The following HHIPL1 variants were observed in gnomAD, a reference collection of about 807,000 sequenced individuals.
HHIPL1 encodes the protein HHIP-like protein 1.
In HHIPL1, 43 loss-of-function variants were observed where a neutral mutation model predicts 61.8. That is an observed-to-expected ratio of 0.70 (90% CI 0.55 to 0.90). The LOEUF (loss-of-function observed/expected upper bound fraction) is 0.90, where lower values mean the gene tolerates loss of function less well. Ranked by LOEUF, HHIPL1 falls within the 40% of genes least tolerant of loss-of-function variation. HHIPL1 has a pLI of 0.00. For missense variants in HHIPL1, 1,056 were observed against 1,157.7 expected (o/e 0.91, Z 1.28); for synonymous variants, 482 against 515.8 (o/e 0.93, Z 0.89).
intron 7 of HHIPL1, among the ~76,000 whole-genome samples, chr14:99,670,969 C>T (rs549947157): frequency 2.6e-5 from 4 of 152,272 alleles, no homozygotes; most frequent in African/African-American, 7.2e-5. Context: ...TTTCCAATCC[C>T]GTTTCCCTAT....
At chr14:99,637,042 AGAAAGAAGGAAGGAAG>A in the HHIPL1 span, among the ~76,000 whole-genome samples, 37 of 121,730 alleles carry the variant, frequency 3.0e-4, no homozygotes, top group East Asian at 9.7e-4. Context: ...AAAGAAAGAA[AGAAAGAAGGAAGGAAG>A]GAAAAAAGAA....
the HHIPL1 span, among the ~76,000 whole-genome samples, chr14:99,628,378 G>A: frequency 3.3e-5 from 5 of 152,052 alleles, no homozygotes; most frequent in African/African-American, 1.2e-4. Flanking sequence ...TCAGGAGTTC[G>A]AGACCAGCCT....
chr14:99,639,123 T>C, the HHIPL1 span, among the ~76,000 whole-genome samples: 152 of 152,402 alleles, frequency 1.0e-3, no homozygotes, highest in Non-Finnish European at 1.9e-3. Flanking sequence ...GGCCCCTGCC[T>C]TCAGGGAGCT....
At chr14:99,620,795 A>G in the HHIPL1 span, among the ~76,000 whole-genome samples, 23 of 152,214 alleles carry the variant, frequency 1.5e-4, no homozygotes, top group African/African-American at 5.5e-4. Flanking sequence ...GCCTCTGGGC[A>G]GGGCCCATCT....
chr14:99,660,481 G>A lies in HHIPL1; in HGVS notation c.1502+75G>A. On this transcript the variant is annotated intron_variant, in intron 5 of 8. Coordinates refer to ENST00000330710, the MANE Select transcript of HHIPL1 (RefSeq NM_001127258.3). The surrounding 1 kb of genome is among the most constrained non-coding windows in gnomAD (Gnocchi z 4.9). ...GGGACTGGCTCCTTGGTAAAGGGGA[G>A]TGTATGTGTGCGCCCGTTCCTGCAC... is the stretch of plus-strand genomic sequence containing the variant. 6.5e-7 allele frequency: 1 copy of A among 1,527,148 alleles called. No homozygotes were observed. Among genetic ancestry groups the A allele is most frequent in the Middle Eastern group, 1.7e-4 (1 of 5,716 alleles). The allele number at this position is 1,527,148 out of a possible 1,614,324, so 94.6% of individuals were successfully genotyped here.
rs751557728 is a variant in HHIPL1 at position 99,652,348 on chromosome 14, G to T, written c.380G>T (p.Arg127Leu). ...TGGCATAAGTGCCGGGGGCTGTTCC[G>T]TCACCTGTCAACTGACCAGGAGCTC... ...DMWHKCRGLF[R>L]HLSTDQELWA... The change falls in exon 2 of 9, where the codon CGT (arginine) becomes CTT (leucine). Residue 127 changes from arginine to leucine, a missense_variant. Physicochemically the swap from Arg to Leu is moderately radical, Grantham distance 102. Coordinates refer to ENST00000330710, the MANE Select transcript of HHIPL1 (RefSeq NM_001127258.3). The T allele has an allele frequency of 8.1e-6, 13 of 1,614,024 alleles. No homozygotes were observed. Among genetic ancestry groups the T allele is most frequent in the Middle Eastern group, 3.3e-4 (2 of 6,084 alleles).
the HHIPL1 span, among the ~76,000 whole-genome samples, chr14:99,605,827 C>T: frequency 1.2e-4 from 19 of 152,198 alleles, no homozygotes; most frequent in Non-Finnish European, 2.4e-4. Context: ...GCAGGAACAG[C>T]CAGTGCCAAG....
chr14:99,609,998 A>G, the HHIPL1 span, among the ~76,000 whole-genome samples: 2 of 151,852 alleles, frequency 1.3e-5, no homozygotes, highest in South Asian at 4.2e-4. Context: ...CTTTGAGGCC[A>G]GGCAGGCCAG....
the HHIPL1 span, among the ~76,000 whole-genome samples, chr14:99,620,611 C>T: frequency 1.3e-5 from 2 of 152,210 alleles, no homozygotes; most frequent in East Asian, 1.9e-4. Flanking sequence ...AGGTGGGGGG[C>T]GGGTCAGGAG....
Position 99,675,683 on chromosome 14 carries a change from T to C in HHIPL1, c.*57T>C. ...GGCGGGGGAGCCTGGCAGGGGCCGC[T>C]CCGCCCTGTGTGCGCCCAGCGGGTG... is the stretch of plus-strand genomic sequence containing the variant. On this transcript the variant is annotated 3_prime_UTR_variant, in exon 9 of 9. Transcript: ENST00000330710. The surrounding 1 kb of genome is among the most constrained non-coding windows in gnomAD (Gnocchi z 5.4). 6 of 1,440,162 alleles carry C rather than the reference T, an allele frequency of 4.2e-6. No individual in the cohort carries two copies. Among genetic ancestry groups the C allele is most frequent in the Non-Finnish European group, 5.5e-6 (6 of 1,092,966 alleles). The allele number at this position is 1,440,162 out of a possible 1,614,324, so 89.2% of individuals were successfully genotyped here. A position where few individuals can be genotyped will look rare whatever the true frequency, so the allele number is the denominator to read the frequency against.
intron 8 of HHIPL1, among the ~76,000 whole-genome samples, chr14:99,672,630 T>G (rs1293052010): frequency 6.6e-6 from 1 of 152,154 alleles, no homozygotes. Flanking sequence ...AAGAGAGAAA[T>G]AGCTGGTGCC....
At chr14:99,666,134 C>G (rs1209178632) in intron 6 of HHIPL1, among the ~76,000 whole-genome samples, 1 of 152,084 alleles carries the variant, frequency 6.6e-6, no homozygotes, top group Non-Finnish European at 1.5e-5. Flanking sequence ...GGGAGAGTTA[C>G]AATAATATTT....
rs1023733879 is a variant in HHIPL1 at position 99,679,031 on chromosome 14, G to A, written c.*3405G>A. On this transcript the variant is annotated 3_prime_UTR_variant, in exon 9 of 9. Coordinates refer to ENST00000330710, the MANE Select transcript of HHIPL1 (RefSeq NM_001127258.3). The stretch of plus-strand genomic sequence containing the variant: ...TCACTCATGTAATCCTCATATTAAT[G>A]CACATTTACTCACGTGGAAGCCGAG... 9.9e-5 allele frequency: 15 copies of A among 152,212 alleles called. No homozygotes were observed. Among genetic ancestry groups the A allele is most frequent in the Admixed American group, 9.2e-4 (14 of 15,282 alleles). The allele number at this position is 152,212 out of a possible 1,614,324, so 9.4% of individuals were successfully genotyped here. A position where few individuals can be genotyped will look rare whatever the true frequency, so the allele number is the denominator to read the frequency against.
intron 2 of HHIPL1, 107 bp from the exon 3 acceptor site, chr14:99,656,893 A>T (rs574310154): frequency 2.6e-6 from 1 of 390,326 alleles, no homozygotes; most frequent in African/African-American, 5.3e-5. Flanking sequence ...GGAAGGAAGG[A>T]AGGTCTTTTC....
At position 99,680,024 on chromosome 14, in the gene HHIPL1, G is replaced by C. The variant is rs1274683854; in HGVS notation, c.*4398G>C. ...CGGGTGTGTCAGCTCATTTAATCTT[G>C]ACAACAGCTCCACGAGACACCCTCA... is the stretch of plus-strand genomic sequence containing the variant. On this transcript the variant is annotated 3_prime_UTR_variant, in exon 9 of 9. Transcript: ENST00000330710. 1.3e-5 allele frequency: 2 copies of C among 152,130 alleles called. No individual in the cohort carries two copies. The highest frequency in any genetic ancestry group is 2.4e-5 in the African/African-American group (1 of 41,422). 9.4% of individuals were successfully genotyped at this position (152,130 alleles called of 1,614,324 possible).
intron 3 of HHIPL1, 57 bp from the exon 4 acceptor site, chr14:99,659,371 C>G: frequency 7.5e-7 from 1 of 1,324,976 alleles, no homozygotes; most frequent in Non-Finnish European, 9.7e-7. Flanking sequence ...CCCGCGGAGC[C>G]CGTGAGCCCT....
At chr14:99,659,857 C>CCA in intron 4 of HHIPL1, 101 bp downstream of exon 4, 2 of 620,978 alleles carry the variant, frequency 3.2e-6, no homozygotes, top group Non-Finnish European at 4.7e-6. Context: ...CCCCCCCCCC[C>CCA]CCGGAGATCC....
chr14:99,658,324 G>A (rs60944192), intron 3 of HHIPL1, among the ~76,000 whole-genome samples: 9,017 of 152,248 alleles, frequency 0.059, 610 homozygotes, highest in African/African-American at 0.17. Context: ...GTGGGTTCAG[G>A]GGTGTGATCT....
chr14:99,650,056 C>T (rs1416675173), intron 1 of HHIPL1, among the ~76,000 whole-genome samples: 2 of 152,262 alleles, frequency 1.3e-5, no homozygotes, highest in Non-Finnish European at 2.9e-5. Context: ...GACCCCAAGA[C>T]ATTCTGCCAA....
Sources: gnomAD v4.1 joint callset for allele counts (sites outside exome capture counted in the v4.1 genomes callset) on GRCh38, gnomAD v4.1.1 for gene constraint, Gnocchi (gnomAD v3.1) non-coding constraint, MANE v1.5 for transcripts, NCBI Gene and HGNC (gene_info 2026-07-23, HGNC 2026-07-21) for gene names.